APP: variants seen among roughly 807,000 people sequenced by gnomAD.
APP encodes the protein amyloid-beta precursor protein.
A neutral mutation model predicts 101.4 loss-of-function variants in APP; 31 were observed. That is an observed-to-expected ratio of 0.31 (90% CI 0.23 to 0.41). APP has a LOEUF of 0.41. Ranked by LOEUF, APP falls within the 10% of genes least tolerant of loss-of-function variation. APP has a pLI of 1.00. For synonymous variants in APP, 366 were observed against 364.4 expected (o/e 1.00, Z -0.05); for missense variants, 839 against 1,003.7 (o/e 0.84, Z 2.22).
chr21:26,111,572 CT>C (rs1468614492), intron 2 of APP, among the ~76,000 whole-genome samples: 1 of 151,090 alleles, frequency 6.6e-6, no homozygotes, highest in African/African-American at 2.4e-5. Flanking sequence ...CCCATCTCTA[CT>C]AAAAATTAAA....
chr21:26,006,017 TG>T (rs755934506), intron 6 of APP, among the ~76,000 whole-genome samples: 2 of 152,204 alleles, frequency 1.3e-5, no homozygotes, highest in African/African-American at 2.4e-5. Flanking sequence ...CTGCCTTCTT[TG>T]TTCTCTTCTC....
Position 25,966,188 on chromosome 21 carries a change from A to G in APP, c.1458+8882T>C, listed in dbSNP as rs148416605. On this transcript the variant is annotated intron_variant, in intron 11 of 17. Coordinates refer to ENST00000346798, the MANE Select transcript of APP (RefSeq NM_000484.4). ...TTGGTAAACATTCAGAAGGTAGGGAAGTAATAGTACTGAGTGGCTTTACTG... is the reference window on the plus strand; with the variant it reads ...TTGGTAAACATTCAGAAGGTAGGGAGGTAATAGTACTGAGTGGCTTTACTG... Among the ~76,000 whole-genome samples, 108 of 152,366 alleles carry G rather than the reference A, an allele frequency of 7.1e-4. 2 individuals are homozygous for G. In the East Asian group the frequency reaches 0.017, roughly 24 times the overall value.
intron 16 of APP, among the ~76,000 whole-genome samples, chr21:25,894,774 G>A (rs985905467): frequency 1.3e-5 from 2 of 152,182 alleles, no homozygotes; most frequent in African/African-American, 2.4e-5. Flanking sequence ...ACATAAACTC[G>A]ATGAAGCAGT....
chr21:26,139,618 G>A (rs1292847948), intron 1 of APP, among the ~76,000 whole-genome samples: 2 of 152,154 alleles, frequency 1.3e-5, no homozygotes, highest in Non-Finnish European at 2.9e-5. Flanking sequence ...ATTTTCAACA[G>A]GGCTCAGTGG....
intron 13 of APP, among the ~76,000 whole-genome samples, chr21:25,946,388 G>A (rs1018075532): frequency 2.6e-5 from 4 of 152,144 alleles, no homozygotes; most frequent in Admixed American, 6.5e-5. Context: ...ACAGCAGGCC[G>A]AGTGCAGTGG....
At chr21:25,953,571 G>A (rs1356406006) in intron 13 of APP, among the ~76,000 whole-genome samples, 1 of 152,098 alleles carries the variant, frequency 6.6e-6, no homozygotes, top group South Asian at 2.1e-4. Flanking sequence ...TTCTTTATGG[G>A]GAAGGATATG....
intron 1 of APP, among the ~76,000 whole-genome samples, chr21:26,167,423 A>C (rs1023110196): frequency 6.6e-6 from 1 of 152,244 alleles, no homozygotes; most frequent in African/African-American, 2.4e-5. Context: ...AAGATTCTCA[A>C]GGTAATACAA....
chr21:25,982,002 A>G (rs1445325503), intron 9 of APP, among the ~76,000 whole-genome samples: 2 of 152,190 alleles, frequency 1.3e-5, no homozygotes, highest in Non-Finnish European at 2.9e-5. Context: ...CATCTTTACT[A>G]AAGAGCATTT....
chr21:25,903,066 A>C (rs1314909860), intron 15 of APP, among the ~76,000 whole-genome samples: 2 of 131,106 alleles, frequency 1.5e-5, no homozygotes, highest in Admixed American at 1.7e-4. Context: ...AGATTAAAAA[A>C]AATTTTTTTT....
chr21:26,043,918 A>C (rs140649693), intron 5 of APP, among the ~76,000 whole-genome samples: 248 of 152,318 alleles, frequency 1.6e-3, no homozygotes, highest in African/African-American at 5.6e-3. Flanking sequence ...CATGAGTCTG[A>C]GATATGGTAT....
At chr21:25,882,886 C>T (rs1354990100) in intron 17 of APP, among the ~76,000 whole-genome samples, 1 of 152,116 alleles carries the variant, frequency 6.6e-6, no homozygotes, top group Admixed American at 6.5e-5. Flanking sequence ...CAGGCCCATT[C>T]CCCCTTGTTG....
intron 16 of APP, among the ~76,000 whole-genome samples, chr21:25,892,153 C>T (rs1404617015): frequency 1.9e-5 from 1 of 51,876 alleles, no homozygotes; most frequent in African/African-American, 9.5e-5. Context: ...AGGAAGTCTA[C>T]TTTCCCCACA....
At chr21:25,997,107 A>T (rs1384765755) in intron 8 of APP, 1 of 539,336 alleles carries the variant, frequency 1.9e-6, no homozygotes, top group Non-Finnish European at 3.3e-6. Context: ...AATATTCAAT[A>T]AAACCAGACT....
chr21:25,990,176 T>C (rs1458027618), intron 8 of APP, among the ~76,000 whole-genome samples: 1 of 152,222 alleles, frequency 6.6e-6, no homozygotes, highest in Non-Finnish European at 1.5e-5. Context: ...AGTGCAATCA[T>C]AGTTGGTGGA....
rs1266435284 is a variant in APP, at chr21:25,960,613, A to C, written c.1459-4858T>G. On this transcript the variant is annotated intron_variant, in intron 11 of 17. Coordinates refer to ENST00000346798, the MANE Select transcript of APP (RefSeq NM_000484.4). ...TAGTGAGATTTGGCCTGCCACAATA[A>C]CAGAGTAGCAAAGGAGGCTCTGAGG... Among the ~76,000 whole-genome samples, 3 of 152,222 alleles carry C rather than the reference A, an allele frequency of 2.0e-5. No individual in the cohort carries two copies. In the East Asian group the frequency reaches 5.8e-4, roughly 29 times the overall value.
At chr21:26,089,629 G>A (rs1348306695) in intron 3 of APP, 8 of 229,656 alleles carry the variant, frequency 3.5e-5, no homozygotes, top group Admixed American at 2.0e-4. Flanking sequence ...TCATCTATGC[G>A]ATACGGTAAA....
intron 13 of APP, among the ~76,000 whole-genome samples, chr21:25,932,359 T>TC (rs397810449): frequency 6.6e-6 from 1 of 151,172 alleles, no homozygotes; most frequent in Non-Finnish European, 1.5e-5. Context: ...GGTGTCATCT[T>TC]ATTCACCTAG....
rs549234553 is a variant in APP, at chr21:25,880,826, A to G, written c.*844T>C. 6.6e-6 allele frequency: 1 copy of G among 152,652 alleles called. No homozygotes were observed. The highest frequency in any genetic ancestry group is 2.1e-4 in the South Asian group (1 of 4,832). The allele number at this position is 152,652 out of a possible 1,614,324, so 9.5% of individuals were successfully genotyped here. A position where few individuals can be genotyped will look rare whatever the true frequency, so the allele number is the denominator to read the frequency against. On this transcript the variant is annotated 3_prime_UTR_variant, in exon 18 of 18. Transcript: ENST00000346798. The stretch of plus-strand genomic sequence containing the variant: ...CGGGGTTATTTTATTTAATTTATTT[A>G]TGTAATACAGTGTAGAAAGCGATCA...
At chr21:26,076,771 A>C (rs756790962) in intron 3 of APP, among the ~76,000 whole-genome samples, 12 of 152,182 alleles carry the variant, frequency 7.9e-5, no homozygotes, top group Non-Finnish European at 1.3e-4. Context: ...CTAAGCTTAA[A>C]AGAAATTTTA....
Sources: allele counts gnomAD v4.1 joint callset (sites outside exome capture counted in the v4.1 genomes callset), GRCh38; gene constraint gnomAD v4.1.1; transcripts MANE v1.5; gene names NCBI Gene and HGNC (gene_info 2026-07-23, HGNC 2026-07-21).